ROBO1: variants seen among roughly 807,000 people sequenced by gnomAD.
ROBO1 encodes the protein roundabout homolog 1.
ROBO1 carries 149 observed loss-of-function variants against 195.9 expected under a neutral mutation model. That is an observed-to-expected ratio of 0.76 (90% CI 0.67 to 0.87). ROBO1 has a LOEUF of 0.87. Among genes scored for constraint, ROBO1 ranks in the 40% least tolerant of loss-of-function variants. ROBO1 has a pLI of 0.00. For missense variants in ROBO1, 1,933 were observed against 2,068.3 expected, an observed-to-expected ratio of 0.93 and a Z score of 1.27; for synonymous variants, 816 against 733.2, an observed-to-expected ratio of 1.11 and a Z score of -1.82.
At chr3:78,685,647 T>A (rs753570445) in intron 10 of ROBO1, 99 bp downstream of exon 10, 19 of 742,766 alleles carry the variant, frequency 2.6e-5, no homozygotes, top group Non-Finnish European at 4.1e-6. Flanking sequence ...AAAATAGCCA[T>A]AAAAAGGTAT....
intron 4 of ROBO1, among the ~76,000 whole-genome samples, chr3:78,916,988 A>T (rs531052787): frequency 3.3e-5 from 5 of 152,222 alleles, no homozygotes; most frequent in Non-Finnish European, 7.3e-5. Context: ...AAATCAGATA[A>T]GTCTGAAATT....
At chr3:79,462,823 G>A (rs573459776) in intron 2 of ROBO1, among the ~76,000 whole-genome samples, 1 of 152,120 alleles carries the variant, frequency 6.6e-6, no homozygotes, top group Non-Finnish European at 1.5e-5. Context: ...GTGAGTAGAT[G>A]AATTAATGAA....
At chr3:79,217,109 T>G (rs2108816181) in intron 2 of ROBO1, among the ~76,000 whole-genome samples, 1 of 152,228 alleles carries the variant, frequency 6.6e-6, no homozygotes, top group Non-Finnish European at 1.5e-5. Flanking sequence ...TAACTGTCAG[T>G]TACATACATA....
chr3:78,904,001 G>A (rs1207675613), intron 4 of ROBO1, among the ~76,000 whole-genome samples: 9 of 151,928 alleles, frequency 5.9e-5, no homozygotes, highest in Non-Finnish European at 7.4e-5. Flanking sequence ...ACTGTTGTAG[G>A]AAATAACAGA....
chr3:79,632,988 A>G (rs1945387833), intron 1 of ROBO1, among the ~76,000 whole-genome samples: 1 of 152,168 alleles, frequency 6.6e-6, no homozygotes, highest in African/African-American at 2.4e-5. Flanking sequence ...TCATTGACAA[A>G]GAGATACAGA....
intron 4 of ROBO1, among the ~76,000 whole-genome samples, chr3:78,891,668 C>G (rs1429627744): frequency 6.6e-6 from 1 of 152,124 alleles, no homozygotes; most frequent in African/African-American, 2.4e-5. Context: ...TTCATAATAG[C>G]TGAAACTGAA....
intron 3 of ROBO1, among the ~76,000 whole-genome samples, chr3:79,073,988 G>A (rs1163576738): frequency 1.3e-5 from 2 of 151,276 alleles, no homozygotes; most frequent in African/African-American, 2.4e-5. Context: ...GAATGCAAAA[G>A]AGTTCTGTGA....
intron 3 of ROBO1, among the ~76,000 whole-genome samples, chr3:79,124,870 A>G (rs900732100): frequency 3.3e-5 from 5 of 152,190 alleles, no homozygotes; most frequent in African/African-American, 1.2e-4. Context: ...ACATTTATAT[A>G]TCAATTATTT....
intron 2 of ROBO1, among the ~76,000 whole-genome samples, chr3:79,380,732 G>A (rs574591197): frequency 6.6e-6 from 1 of 152,182 alleles, no homozygotes; most frequent in East Asian, 1.9e-4. Context: ...AAGAGCCGAA[G>A]TCCATTTTCC....
chr3:79,033,783 C>T (rs2108310104), intron 3 of ROBO1, among the ~76,000 whole-genome samples: 2 of 152,190 alleles, frequency 1.3e-5, no homozygotes, highest in African/African-American at 4.8e-5. Context: ...TTCAATAGTT[C>T]ATCTCAGCTA....
intron 8 of ROBO1, among the ~76,000 whole-genome samples, chr3:78,696,663 T>G: frequency 6.8e-6 from 1 of 146,004 alleles, no homozygotes. Flanking sequence ...CACATATATA[T>G]ACACATATAT....
chr3:79,323,878 G>A (rs1041932260), intron 2 of ROBO1, among the ~76,000 whole-genome samples: 1 of 152,070 alleles, frequency 6.6e-6, no homozygotes, highest in African/African-American at 2.4e-5. Flanking sequence ...ATAGATGTAT[G>A]CCCCCCGAGT....
At chr3:79,278,075 A>G (rs1382934708) in intron 2 of ROBO1, among the ~76,000 whole-genome samples, 3 of 152,114 alleles carry the variant, frequency 2.0e-5, no homozygotes, top group Admixed American at 2.0e-4. Flanking sequence ...ATAGCTACAA[A>G]ATAAATAAAA....
intron 2 of ROBO1, among the ~76,000 whole-genome samples, chr3:79,489,281 G>A (rs1225611460): frequency 1.3e-5 from 2 of 152,006 alleles, no homozygotes; most frequent in African/African-American, 2.4e-5. Context: ...TTGAAAAAAT[G>A]GAATGGCATT....
chr3:79,243,088 G>T (rs1409643195), intron 2 of ROBO1, among the ~76,000 whole-genome samples: 1 of 149,346 alleles, frequency 6.7e-6, no homozygotes, highest in Admixed American at 6.8e-5. Flanking sequence ...GTGGTGTTTG[G>T]TTTTTTGTCC....
intron 2 of ROBO1, among the ~76,000 whole-genome samples, chr3:79,477,703 A>G (rs900729179): frequency 1.3e-5 from 2 of 152,186 alleles, no homozygotes; most frequent in Admixed American, 6.6e-5. Flanking sequence ...GAGATTTCAT[A>G]GGCAAATGAA....
At chr3:79,453,279 T>G (rs955084990) in intron 2 of ROBO1, among the ~76,000 whole-genome samples, 1 of 152,070 alleles carries the variant, frequency 6.6e-6, no homozygotes, top group African/African-American at 2.4e-5. Context: ...CATTTAGCAT[T>G]GCCAAGTAGG....
rs576115601 is a variant in ROBO1, at chr3:79,457,760, C to T, written c.88+132064G>A. Among the ~76,000 whole-genome samples, 5 of 152,268 alleles carry T rather than the reference C, an allele frequency of 3.3e-5. No individual in the cohort carries two copies. The South Asian group carries it at 1.0e-3, about 32-fold the overall frequency. Reference sequence around the variant, plus strand: ...AGACATGACTTTGTTCCTCCTTTGCCTTCCACCATGATTGTGAGGCCTCCC... The same window carrying T: ...AGACATGACTTTGTTCCTCCTTTGCTTTCCACCATGATTGTGAGGCCTCCC... On this transcript the variant is annotated intron_variant, in intron 2 of 30. Transcript: ENST00000464233.
intron 2 of ROBO1, among the ~76,000 whole-genome samples, chr3:79,253,569 G>A (rs535531386): frequency 6.6e-6 from 1 of 152,264 alleles, no homozygotes; most frequent in East Asian, 1.9e-4. Context: ...GTTGAAGATG[G>A]TGCTCAAGGC....
Sources: allele counts gnomAD v4.1 joint callset (sites outside exome capture counted in the v4.1 genomes callset), GRCh38; gene constraint gnomAD v4.1.1; transcripts MANE v1.5; gene names NCBI Gene and HGNC (gene_info 2026-07-23, HGNC 2026-07-21).